Variants in TMTC1 observed in about 807,000 individuals in gnomAD.
TMTC1 encodes protein O-mannosyl-transferase TMTC1.
Under a neutral mutation model 104.8 loss-of-function variants are expected in TMTC1, and 73 were observed. The ratio of observed to expected loss-of-function variants is 0.70; its 90% CI spans 0.58 to 0.85. The LOEUF (loss-of-function observed/expected upper bound fraction) is 0.85. Among genes scored for constraint, TMTC1 ranks in the 40% least tolerant of loss-of-function variants. The probability of loss-of-function intolerance (pLI) is 0.00; values close to 1 mark genes in which losing one functional copy is unlikely to be tolerated. For missense variants in TMTC1, 1,035 were observed against 1,096.1 expected (o/e 0.94, Z 0.79); for synonymous variants, 434 against 428.7 (o/e 1.01, Z -0.15).
At chr12:29,576,218 CT>C (rs1374280979) in intron 8 of TMTC1, among the ~76,000 whole-genome samples, 1 of 152,066 alleles carries the variant, frequency 6.6e-6, no homozygotes, top group Non-Finnish European at 1.5e-5. Flanking sequence ...CACTTTTTTG[CT>C]TGTTTCCTTT....
intron 7 of TMTC1, among the ~76,000 whole-genome samples, chr12:29,599,905 T>G (rs1407404358): frequency 6.8e-6 from 1 of 146,174 alleles, no homozygotes; most frequent in Admixed American, 6.7e-5. Flanking sequence ...TATATACATG[T>G]GTATATATAT....
chr12:29,695,105 G>C (rs1317083209), intron 5 of TMTC1, among the ~76,000 whole-genome samples: 1 of 152,056 alleles, frequency 6.6e-6, no homozygotes, highest in Non-Finnish European at 1.5e-5. Flanking sequence ...CAGCTTCCTT[G>C]ACTTCCAGCC....
chr12:29,706,721 C>T (rs1157744367), intron 5 of TMTC1, among the ~76,000 whole-genome samples: 2 of 152,156 alleles, frequency 1.3e-5, no homozygotes, highest in African/African-American at 2.4e-5. Flanking sequence ...CTAGAATCAG[C>T]TTCCTGGAGT....
At chr12:29,667,586 G>GA (rs200583138) in intron 5 of TMTC1, among the ~76,000 whole-genome samples, 1 of 152,104 alleles carries the variant, frequency 6.6e-6, no homozygotes, top group African/African-American at 2.4e-5. Flanking sequence ...TATAATGAGG[G>GA]AAAAAAATGA....
At position 29,696,867 on chromosome 12, in the gene TMTC1, T is replaced by C. The variant is rs562740423; in HGVS notation, c.938+54799A>G. On this transcript the variant is annotated intron_variant, in intron 5 of 17. Transcript: ENST00000539277. ...TTATAATTTGCATTATAATAAAACT[T>C]GAACTTATAGCAACTTATGACAACA... is the stretch of plus-strand genomic sequence containing the variant. Among the ~76,000 whole-genome samples, 29 of 152,320 alleles carry C rather than the reference T, an allele frequency of 1.9e-4. No homozygotes were observed. In the East Asian group the frequency reaches 5.2e-3, roughly 27 times the overall value.
chr12:29,572,675 G>A (rs1025860016), intron 8 of TMTC1, among the ~76,000 whole-genome samples: 2 of 152,136 alleles, frequency 1.3e-5, no homozygotes, highest in African/African-American at 4.8e-5. Context: ...ATGGTGCAGG[G>A]AGCAGATGCA....
chr12:29,636,139 G>T (rs1404364396), intron 5 of TMTC1, among the ~76,000 whole-genome samples: 2 of 152,118 alleles, frequency 1.3e-5, no homozygotes, highest in Non-Finnish European at 2.9e-5. Flanking sequence ...TCTGGGATTT[G>T]CTTTAAAATA....
chr12:29,590,681 A>C (rs2136353710), intron 7 of TMTC1, among the ~76,000 whole-genome samples: 1 of 152,322 alleles, frequency 6.6e-6, no homozygotes, highest in African/African-American at 2.4e-5. Flanking sequence ...GCTACTTGGG[A>C]GGCTGAGGCA....
chr12:29,626,740 T>G (rs923768779), intron 6 of TMTC1, among the ~76,000 whole-genome samples: 2 of 152,184 alleles, frequency 1.3e-5, no homozygotes, highest in African/African-American at 4.8e-5. Context: ...TGGCCATGTA[T>G]TTTTAGATTT....
At chr12:29,671,340 T>G (rs112448148) in intron 5 of TMTC1, among the ~76,000 whole-genome samples, 2 of 149,618 alleles carry the variant, frequency 1.3e-5, no homozygotes, top group Admixed American at 6.7e-5. Flanking sequence ...ATAAAAGAAA[T>G]AAACAAAAAG....
At chr12:29,684,158 G>A (rs753196223) in intron 5 of TMTC1, among the ~76,000 whole-genome samples, 6 of 152,034 alleles carry the variant, frequency 3.9e-5, no homozygotes, top group East Asian at 1.9e-4. Flanking sequence ...CTATCACTTC[G>A]AATAGGAAAA....
intron 5 of TMTC1, among the ~76,000 whole-genome samples, chr12:29,718,788 C>G (rs1012195364): frequency 6.6e-6 from 1 of 151,930 alleles, no homozygotes; most frequent in Non-Finnish European, 1.5e-5. Context: ...AAAAAATTAG[C>G]CACGAGTGGT....
At chr12:29,563,558 C>T (rs1056450151) in intron 9 of TMTC1, among the ~76,000 whole-genome samples, 3 of 152,058 alleles carry the variant, frequency 2.0e-5, no homozygotes, top group Non-Finnish European at 4.4e-5. Flanking sequence ...TGGGCAGGAG[C>T]TAGGGGTGTG....
intron 5 of TMTC1, among the ~76,000 whole-genome samples, chr12:29,712,006 CAAAAAAAAAAAAAAAAA>C (rs34419655): frequency 4.6e-5 from 2 of 43,904 alleles, no homozygotes; most frequent in African/African-American, 9.1e-5. Context: ...GACTCCATCT[CAAAAAAAAAAAAAAAAA>C]AAAAAAAAAA....
intron 11 of TMTC1, among the ~76,000 whole-genome samples, chr12:29,524,370 A>G (rs3910440): frequency 0.45 from 67,953 of 152,044 alleles, 18,221 homozygotes; most frequent in African/African-American, 0.76. Context: ...TCTCTGTAAT[A>G]GTCAATGCAT....
intron 6 of TMTC1, among the ~76,000 whole-genome samples, chr12:29,605,802 C>T (rs553850409): frequency 6.6e-6 from 1 of 152,220 alleles, no homozygotes; most frequent in South Asian, 2.1e-4. Flanking sequence ...TCTATTGTTT[C>T]TGCCACCCAG....
intron 16 of TMTC1, among the ~76,000 whole-genome samples, chr12:29,513,868 C>T (rs561510939): frequency 1.4e-4 from 21 of 152,122 alleles, no homozygotes; most frequent in African/African-American, 4.3e-4. Context: ...AGGATTTGTG[C>T]GTGCCTGCAC....
At chr12:29,651,785 T>C (rs1296105095) in intron 5 of TMTC1, among the ~76,000 whole-genome samples, 2 of 152,144 alleles carry the variant, frequency 1.3e-5, no homozygotes, top group Non-Finnish European at 2.9e-5. Flanking sequence ...GGGTGGCCTA[T>C]ATAGTCTAGG....
intron 6 of TMTC1, among the ~76,000 whole-genome samples, chr12:29,618,616 C>A (rs564825357): frequency 6.6e-6 from 1 of 151,854 alleles, no homozygotes; most frequent in East Asian, 1.9e-4. Context: ...CCCTTGCACT[C>A]CCTTTATAGG....
Sources: allele counts gnomAD v4.1 joint callset (sites outside exome capture counted in the v4.1 genomes callset), GRCh38; gene constraint gnomAD v4.1.1; transcripts MANE v1.5; gene names NCBI Gene and HGNC (gene_info 2026-07-23, HGNC 2026-07-21).